Variants in IGFN1 observed in about 807,000 individuals in gnomAD.
IGFN1 encodes immunoglobulin-like and fibronectin type III domain-containing protein 1.
In IGFN1, 253 loss-of-function variants were observed where a neutral mutation model predicts 289.5. The ratio of observed to expected loss-of-function variants is 0.87; its 90% CI spans 0.79 to 0.97. The LOEUF is 0.97. IGFN1 is among the 50% of genes least tolerant of loss of function. IGFN1 has a pLI of 0.00. For missense variants in IGFN1, 4,470 were observed against 4,686.1 expected (o/e 0.95, Z 1.35); for synonymous variants, 1,706 against 1,788.5 (o/e 0.95, Z 1.16).
rs148072974 is a variant in IGFN1, at chr1:201,193,161, G to A, written c.-47-86G>A. 1.2e-3 allele frequency: 812 copies of A among 677,246 alleles called. 9 individuals carry two copies. In the African/African-American group the frequency reaches 0.013, roughly 11 times the overall value. 42.0% of individuals were successfully genotyped at this position (677,246 alleles called of 1,614,324 possible). ...GCAGCTTTTTCCAGCTCCCACCCCA[G>A]ACATTGGCTGATGCACTGATGGTGT... On this transcript the variant is annotated intron_variant, in intron 1 of 23. Transcript: ENST00000335211.
rs1249784680 is a variant in IGFN1 at position 201,207,724 on chromosome 1, G to A, written c.2831G>A (p.Gly944Asp). 2 of 1,536,990 alleles carry A rather than the reference G, an allele frequency of 1.3e-6. No individual in the cohort carries two copies. Among genetic ancestry groups the A allele is most frequent in the Non-Finnish European group, 1.7e-6 (2 of 1,146,878 alleles). ...GPRGETGYKD[G>D]LEGPGRMESR... ...AGAGGTGAGACAGGCTATAAGGATG[G>A]CTTGGAAGGTCCCGGGAGAATGGAA... is the stretch of plus-strand genomic sequence containing the variant. The change falls in exon 12 of 24, where the codon GGC becomes GAC. Residue 944 changes from glycine (G) to aspartate (D), a missense_variant. Physicochemically the swap from Gly to Asp is moderately conservative, Grantham distance 94. This residue lies in a region of IGFN1 where 2,011 missense variants were observed against 1,953.4 expected (regional missense o/e 1.03). Transcript: ENST00000335211.
At chr1:201,206,045 G>T in intron 11 of IGFN1, 38 bp from the exon 12 acceptor site, 1 of 1,352,036 alleles carries the variant, frequency 7.4e-7, no homozygotes, top group Non-Finnish European at 1.0e-6. Context: ...CTCTCCATGT[G>T]GGCACTGACC....
Position 201,200,414 on chromosome 1 carries a change from G to T in IGFN1, c.633+3G>T. 4 of 1,550,824 alleles carry T rather than the reference G, an allele frequency of 2.6e-6. No homozygotes were observed. Among genetic ancestry groups the T allele is most frequent in the Non-Finnish European group, 3.5e-6 (4 of 1,146,390 alleles). On this transcript the variant is annotated splice_donor_region_variant and intron_variant, in intron 8 of 23. Coordinates refer to ENST00000335211, the MANE Select transcript of IGFN1 (RefSeq NM_001164586.2). Reference sequence around the variant, plus strand: ...AACAGGAGGACAAGATGGCACAGGTGCCTCACCCCATTCCCACCCCTCACT... The same window carrying T: ...AACAGGAGGACAAGATGGCACAGGTTCCTCACCCCATTCCCACCCCTCACT...
chr1:201,204,564 G>A (rs1234695569), intron 10 of IGFN1, among the ~76,000 whole-genome samples: 1 of 152,218 alleles, frequency 6.6e-6, no homozygotes, highest in Non-Finnish European at 1.5e-5. Flanking sequence ...CACGGGGGAG[G>A]TGCCCAGATG....
chr1:201,199,559 C>A (rs750720975), intron 6 of IGFN1, 50 bp from the exon 7 acceptor site: 1 of 1,523,064 alleles, frequency 6.6e-7, no homozygotes, highest in South Asian at 1.2e-5. Context: ...CTGCATCAAC[C>A]CTCAGTCATC....
At position 201,214,178 on chromosome 1, in the gene IGFN1, C is replaced by T. The variant is rs956144582; in HGVS notation, c.8730C>T (p.Gly2910=). ...GTGSFSKDAQ[G]PMGHFSQGLA... ...GGGATTCCCTCTGTGTCTCTCCAGGCCCCATGGGCCACTTCTCCCAGGGCC... is the reference window on the plus strand; with the variant it reads ...GGGATTCCCTCTGTGTCTCTCCAGGTCCCATGGGCCACTTCTCCCAGGGCC... The change falls in exon 13 of 24, where the codon GGC becomes GGT. Residue 2910 remains glycine (G), a splice_region_variant and synonymous_variant. Transcript: ENST00000335211. 2 of 1,611,244 alleles carry T rather than the reference C, an allele frequency of 1.2e-6. No individual in the cohort carries two copies. Among genetic ancestry groups the T allele is most frequent in the South Asian group, 1.1e-5 (1 of 90,710 alleles).
At position 201,208,482 on chromosome 1, in the gene IGFN1, G is replaced by C; in HGVS notation, c.3589G>C (p.Gly1197Arg). ...CCCTGAGTCACTCGCACCTCACAAT[G>C]GGGCCGCTTCTGGGAGCCAGTGGGC... ...RHPESLAPHN[G>R]AASGSQWAYG... The change falls in exon 12 of 24, where the codon GGG (glycine) becomes CGG (arginine). Residue 1197 changes from glycine (G) to arginine (R), a missense_variant. Physicochemically the swap from Gly to Arg is moderately radical, Grantham distance 125 (BLOSUM62 -2). Around this residue, in one of 8 missense-constraint regions of IGFN1, gnomAD observed 2,011 missense variants for 1,953.4 expected, o/e 1.03. Coordinates refer to ENST00000335211, the MANE Select transcript of IGFN1 (RefSeq NM_001164586.2). The C allele has an allele frequency of 1.4e-6, 2 of 1,447,480 alleles. No homozygotes were observed. Among genetic ancestry groups the C allele is most frequent in the South Asian group, 3.0e-5 (2 of 67,236 alleles). The allele number at this position is 1,447,480 out of a possible 1,614,324, so 89.7% of individuals were successfully genotyped here.
Position 201,213,289 on chromosome 1 carries a change from G to A in IGFN1, c.8396G>A (p.Gly2799Glu). 3 of 1,561,098 alleles carry A rather than the reference G, an allele frequency of 1.9e-6. No individual in the cohort carries two copies. The highest frequency in any genetic ancestry group is 2.4e-5 in the East Asian group (1 of 41,634). ...CCTGGGGCCCTAAAGGAGGATGAAG[G>A]GCAGGGAGTGGAAGAGGCTGGGAGG... ...QGPGALKEDE[G>E]QGVEEAGRSG... Residue 2799 changes from glycine (G) to glutamate (E), a missense_variant, in exon 12 of 24, where the codon GGG becomes GAG. This residue lies in a region of IGFN1 where 2,218 missense variants were observed against 2,114.1 expected (regional missense o/e 1.05). Coordinates refer to ENST00000335211, the MANE Select transcript of IGFN1 (RefSeq NM_001164586.2).
intron 23 of IGFN1, among the ~76,000 whole-genome samples, chr1:201,227,586 C>T (rs1446020352): frequency 2.0e-5 from 3 of 151,950 alleles, no homozygotes; most frequent in African/African-American, 2.4e-5. Context: ...CGCCACCACA[C>T]CTGGCGGATT....
intron 10 of IGFN1, 57 bp downstream of exon 10, chr1:201,203,963 C>T: frequency 6.9e-7 from 1 of 1,445,910 alleles, no homozygotes. Context: ...AAATGGAGTC[C>T]ATGTTGGTGC....
At position 201,207,582 on chromosome 1, in the gene IGFN1, G is replaced by T; in HGVS notation, c.2689G>T (p.Gly897Cys). The change falls in exon 12 of 24, where the codon GGT (glycine) becomes TGT (cysteine). Residue 897 changes from glycine to cysteine, a missense_variant. By Grantham distance (159) the Gly-to-Cys change is radical. Coordinates refer to ENST00000335211, the MANE Select transcript of IGFN1 (RefSeq NM_001164586.2). ...SHWLSRAPGL[G>C]AQGSGGTLGD... ...CTGGCTAAGTAGGGCTCCAGGCCTG[G>T]GTGCTCAGGGATCTGGGGGGACACT... 1 of 1,537,012 alleles carries T rather than the reference G, an allele frequency of 6.5e-7. No homozygotes were observed.
At position 201,210,620 on chromosome 1, in the gene IGFN1, G is replaced by C. The variant is rs1385133295; in HGVS notation, c.5727G>C (p.Arg1909Ser). The C allele has an allele frequency of 1.1e-5, 16 of 1,446,588 alleles. No homozygotes were observed. In the African/African-American group the frequency reaches 2.9e-4, roughly 26 times the overall value. 89.6% of individuals were successfully genotyped at this position (1,446,588 alleles called of 1,614,324 possible). A position where few individuals can be genotyped will look rare whatever the true frequency, so the allele number is the denominator to read the frequency against. The change falls in exon 12 of 24, where the codon AGG becomes AGC. Residue 1909 changes from arginine to serine, a missense_variant. Physicochemically the swap from Arg to Ser is moderately radical, Grantham distance 110. Coordinates refer to ENST00000335211, the MANE Select transcript of IGFN1 (RefSeq NM_001164586.2). ...GTTCAGGAAGTAAGGCAGGTTTTAG[G>C]GATGGTTTAGGGAGTTCTGTAGAAA... The part of the protein sequence containing the change: ...GIGSGSKAGF[R>S]DGLGSSVEMG...
rs1418626974 is a variant in IGFN1 at position 201,207,009 on chromosome 1, G to T, written c.2116G>T (p.Gly706Trp). The stretch of plus-strand genomic sequence containing the variant: ...TCAGGGAGGTAGAGATGCTGACTAT[G>T]GGGAAGCCAGGGGCTACTGGGGGTC... The part of the protein sequence containing the change: ...GSQGGRDADY[G>W]EARGYWGSGE... The change falls in exon 12 of 24, where the codon GGG becomes TGG. Residue 706 changes from glycine to tryptophan, a missense_variant. Coordinates refer to ENST00000335211, the MANE Select transcript of IGFN1 (RefSeq NM_001164586.2). The T allele has an allele frequency of 1.1e-5, 17 of 1,536,502 alleles. No homozygotes were observed. In the African/African-American group the frequency reaches 2.3e-4, roughly 21 times the overall value.
At chr1:201,217,161 G>A (rs543205724) in intron 16 of IGFN1, 126 bp from the exon 17 acceptor site, 11 of 828,732 alleles carry the variant, frequency 1.3e-5, no homozygotes, top group East Asian at 7.5e-5. Flanking sequence ...CCTCAGCCCC[G>A]ACACTCACCA....
At chr1:201,203,992 T>C in intron 10 of IGFN1, 86 bp downstream of exon 10, 1 of 1,233,942 alleles carries the variant, frequency 8.1e-7, no homozygotes, top group Non-Finnish European at 1.1e-6. Context: ...TGTTGGGGGG[T>C]AAATGTGATG....
In IGFN1 at chr1:201,195,828, TC is replaced by T; in HGVS notation, c.128-9del. On this transcript the variant is annotated splice_polypyrimidine_tract_variant and intron_variant, in intron 3 of 23. Coordinates refer to ENST00000335211, the MANE Select transcript of IGFN1 (RefSeq NM_001164586.2). The stretch of plus-strand genomic sequence containing the variant: ...CTTGTCAGTCTCCCTACTCGTCTCT[TC>T]CTGCTGCAGGGAAAAATGCTGTCTT... 6.4e-7 allele frequency: 1 copy of T among 1,550,896 alleles called. No individual in the cohort carries two copies. Among genetic ancestry groups the T allele is most frequent in the Non-Finnish European group, 8.7e-7 (1 of 1,146,566 alleles).
In IGFN1 at chr1:201,207,594, T is replaced by C. The variant is rs1377116135; in HGVS notation, c.2701T>C (p.Ser901Pro). The change falls in exon 12 of 24, where the codon TCT (serine) becomes CCT (proline). Residue 901 changes from serine (S) to proline (P), a missense_variant. Coordinates refer to ENST00000335211, the MANE Select transcript of IGFN1 (RefSeq NM_001164586.2). ...GGCTCCAGGCCTGGGTGCTCAGGGA[T>C]CTGGGGGGACACTAGGAGATAAGAA... is the stretch of plus-strand genomic sequence containing the variant. ...SRAPGLGAQG[S>P]GGTLGDKKGL... 2 of 1,536,708 alleles carry C rather than the reference T, an allele frequency of 1.3e-6. No individual in the cohort carries two copies. Among genetic ancestry groups the C allele is most frequent in the Admixed American group, 3.9e-5 (2 of 50,984 alleles).
At chr1:201,195,635 C>A (rs1666885297) in intron 3 of IGFN1, among the ~76,000 whole-genome samples, 1 of 152,230 alleles carries the variant, frequency 6.6e-6, no homozygotes, top group Non-Finnish European at 1.5e-5. Context: ...AGAGGAAGCA[C>A]TGCCTTCTGG....
At chr1:201,227,375 C>T (rs1212510308) in intron 23 of IGFN1, among the ~76,000 whole-genome samples, 167 bp downstream of exon 23, 7 of 152,140 alleles carry the variant, frequency 4.6e-5, no homozygotes, top group Middle Eastern at 3.4e-3. Context: ...CTACCAACAC[C>T]GGCCCACATG....
Sources: allele counts gnomAD v4.1 joint callset (sites outside exome capture counted in the v4.1 genomes callset), GRCh38; gene constraint gnomAD v4.1.1; regional missense constraint gnomAD v4.1.1; transcripts MANE v1.5; gene names NCBI Gene and HGNC (gene_info 2026-07-23, HGNC 2026-07-21).